The following CRHR2 variants were observed in gnomAD, a reference collection of about 807,000 sequenced individuals.
CRHR2 encodes corticotropin releasing hormone receptor 2.
A neutral mutation model predicts 57.9 loss-of-function variants in CRHR2; 53 were observed. The ratio of observed to expected loss-of-function variants is 0.92; its 90% CI spans 0.73 to 1.15. The LOEUF is 1.15. Among genes scored for constraint, CRHR2 ranks in the 50% most tolerant of loss-of-function variants. The pLI is 0.00. For synonymous variants in CRHR2, 213 were observed against 220.9 expected (o/e 0.96, Z 0.32); for missense variants, 532 against 542.6 (o/e 0.98, Z 0.19).
chr7:30,678,982 T>C (rs1443368644), intron 2 of CRHR2, among the ~76,000 whole-genome samples: 2 of 152,162 alleles, frequency 1.3e-5, no homozygotes, highest in Non-Finnish European at 2.9e-5. Flanking sequence ...TGAAGCCCTG[T>C]AGAATGCCCT....
intron 8 of CRHR2, among the ~76,000 whole-genome samples, chr7:30,659,295 G>A (rs970919426): frequency 6.6e-6 from 1 of 152,146 alleles, no homozygotes; most frequent in Admixed American, 6.5e-5. Flanking sequence ...TGCGTTCCTC[G>A]CCTCCCTTTC....
chr7:30,692,486 G>A (rs1784981520), intron 1 of CRHR2, among the ~76,000 whole-genome samples: 1 of 152,196 alleles, frequency 6.6e-6, no homozygotes, highest in South Asian at 2.1e-4. Flanking sequence ...CGGCGAACTG[G>A]ACATTGGAGC....
chr7:30,697,764 A>G (rs1785086375), intron 1 of CRHR2, among the ~76,000 whole-genome samples: 1 of 151,768 alleles, frequency 6.6e-6, no homozygotes. Context: ...CTGGGGCCTT[A>G]CCCCCAACCT....
intron 6 of CRHR2, 47 bp from the exon 7 acceptor site, chr7:30,662,263 C>A (rs773229739): frequency 1.2e-6 from 2 of 1,603,298 alleles, no homozygotes; most frequent in Non-Finnish European, 1.7e-6. Context: ...TGGACAGGGA[C>A]TTTCTTGTAG....
upstream of CRHR2, among the ~76,000 whole-genome samples, chr7:30,683,818 G>A (rs1304785493): frequency 6.6e-6 from 1 of 152,196 alleles, no homozygotes; most frequent in African/African-American, 2.4e-5. Flanking sequence ...AACCAGTCCT[G>A]TTCCCCTGCC....
Position 30,672,213 on chromosome 7 carries a change from T to C in CRHR2, c.230-4900A>G, listed in dbSNP as rs532207118. 2.0e-5 allele frequency among the ~76,000 whole-genome samples: 3 copies of C among 152,348 alleles called. No individual in the cohort carries two copies. The South Asian group carries it at 6.2e-4, about 32-fold the overall frequency. On this transcript the variant is annotated intron_variant, in intron 2 of 11. Transcript: ENST00000471646. ...CCAGCCCCAGCTCCTCCAGGTAGTT[T>C]CCATGACTGTTCCAGCTCCCCAAGG...
intron 8 of CRHR2, among the ~76,000 whole-genome samples, chr7:30,657,802 ATCCT>A (rs774200666): frequency 7.2e-5 from 11 of 151,998 alleles, no homozygotes; most frequent in Middle Eastern, 3.4e-3. Flanking sequence ...TCATCCATTC[ATCCT>A]TCCTTCCTTC....
At chr7:30,668,684 G>A (rs1435403944) in intron 2 of CRHR2, among the ~76,000 whole-genome samples, 1 of 152,198 alleles carries the variant, frequency 6.6e-6, no homozygotes, top group Non-Finnish European at 1.5e-5. Flanking sequence ...AAATCAATGG[G>A]GAAGATTCTA....
chr7:30,662,111 C>T (rs1784021651), intron 7 of CRHR2, 45 bp downstream of exon 7: 1 of 1,605,784 alleles, frequency 6.2e-7, no homozygotes, highest in Non-Finnish European at 8.5e-7. Flanking sequence ...CCTAACACCC[C>T]CATTCCCTTC....
Position 30,665,405 on chromosome 7 carries a change from C to A in CRHR2, c.425+125G>T. The A allele has an allele frequency of 1.1e-6, 1 of 937,392 alleles. No individual in the cohort carries two copies. The highest frequency in any genetic ancestry group is 1.6e-6 in the Non-Finnish European group (1 of 612,050). 58.1% of individuals were successfully genotyped at this position (937,392 alleles called of 1,614,324 possible). On this transcript the variant is annotated intron_variant, in intron 4 of 11. Coordinates refer to ENST00000471646, the MANE Select transcript of CRHR2 (RefSeq NM_001883.5). This position sits in a 1 kb window ranked among gnomAD's most constrained non-coding sequence, Gnocchi z 4.5. ...CATGCCCTGGCACCCCACCCAAACC[C>A]CACTTTCTCCACGGGCCCTTTTATC...
chr7:30,689,047 G>T, intron 2 of CRHR2: 1 of 743,360 alleles, frequency 1.3e-6, no homozygotes, highest in Non-Finnish European at 2.4e-6. Context: ...CCCTCAGCAA[G>T]GCAGAAATCA....
chr7:30,664,588 G>C (rs1324498234), intron 5 of CRHR2, among the ~76,000 whole-genome samples: 1 of 152,164 alleles, frequency 6.6e-6, no homozygotes, highest in Non-Finnish European at 1.5e-5. Flanking sequence ...TCTAGAGTCA[G>C]CTTTGTGAAG....
intron 3 of CRHR2, among the ~76,000 whole-genome samples, chr7:30,666,739 G>A (rs551062376): frequency 6.6e-6 from 1 of 152,376 alleles, no homozygotes; most frequent in East Asian, 1.9e-4. Flanking sequence ...GGAGTTCGGT[G>A]CCTCAGCAGC....
chr7:30,654,714 C>T (rs1429981777), intron 11 of CRHR2: 2 of 1,536,218 alleles, frequency 1.3e-6, no homozygotes, highest in Non-Finnish European at 1.7e-6. Flanking sequence ...GCTTGGCACA[C>T]ATCTCTTTCT....
chr7:30,665,513 C>A lies in CRHR2; in HGVS notation c.425+17G>T, dbSNP rs370375398. 4 of 1,548,352 alleles carry A rather than the reference C, an allele frequency of 2.6e-6. No individual in the cohort carries two copies. Among genetic ancestry groups the A allele is most frequent in the Non-Finnish European group, 3.5e-6 (4 of 1,143,372 alleles). ...GGGGAGGGATGAGGAGAAAGCAAGG[C>A]GGAAGGGCAGACTCACCGCAGGGCC... On this transcript the variant is annotated intron_variant, in intron 4 of 11. Transcript: ENST00000471646. The surrounding 1 kb of genome is among the most constrained non-coding windows in gnomAD (Gnocchi z 4.5).
chr7:30,692,126 G>T (rs142669403), intron 1 of CRHR2, among the ~76,000 whole-genome samples: 1 of 152,296 alleles, frequency 6.6e-6, no homozygotes, highest in Admixed American at 6.5e-5. Flanking sequence ...GATTTTGTGT[G>T]CATTCAACAA....
At chr7:30,686,553 A>G, upstream of CRHR2, 1 of 1,518,364 alleles carries the variant, frequency 6.6e-7, no homozygotes, top group Non-Finnish European at 8.8e-7. Flanking sequence ...TCACACCCAT[A>G]ATCTCAGCAC....
chr7:30,674,001 C>A (rs540633773), intron 2 of CRHR2, among the ~76,000 whole-genome samples: 1 of 152,274 alleles, frequency 6.6e-6, no homozygotes, highest in African/African-American at 2.4e-5. Context: ...AACTTGGATT[C>A]CATTTCTTAG....
Position 30,655,690 on chromosome 7 carries a change from G to T in CRHR2, c.943C>A (p.Leu315Ile). The T allele has an allele frequency of 6.2e-7, 1 of 1,614,044 alleles. No homozygotes were observed. Among genetic ancestry groups the T allele is most frequent in the Non-Finnish European group, 8.5e-7 (1 of 1,179,914 alleles). ...YRKAVKATLV[L>I]LPLLGITYML... is the part of the protein sequence containing the mutation. Reference sequence around the variant, plus strand: ...TAGGTGATGCCCAGGAGGGGCAGGAGCACCAGGGTGGCCTTCACTGCCTTC... The same window carrying T: ...TAGGTGATGCCCAGGAGGGGCAGGATCACCAGGGTGGCCTTCACTGCCTTC... Residue 315 changes from leucine to isoleucine, a missense_variant, in exon 10 of 12, where the codon CTC (leucine) becomes ATC (isoleucine). Physicochemically the swap from Leu to Ile is conservative, Grantham distance 5. Transcript: ENST00000471646.
Sources: allele counts gnomAD v4.1 joint callset (sites outside exome capture counted in the v4.1 genomes callset), GRCh38; gene constraint gnomAD v4.1.1; non-coding constraint Gnocchi (gnomAD v3.1); transcripts MANE v1.5; gene names NCBI Gene and HGNC (gene_info 2026-07-23, HGNC 2026-07-21).